Variants in ADPRHL1 observed in about 807,000 individuals in gnomAD.
ADPRHL1 encodes ADP-ribosylhydrolase like 1, also known as inactive ADP-ribosyltransferase ARH2.
A neutral mutation model predicts 44.1 loss-of-function variants in ADPRHL1; 43 were observed. The observed-to-expected ratio is 0.98, with a 90% CI of 0.76 to 1.26. The LOEUF (loss-of-function observed/expected upper bound fraction) is 1.26. Among genes scored for constraint, ADPRHL1 ranks in the 50% most tolerant of loss-of-function variants. The pLI, the probability that ADPRHL1 is intolerant of heterozygous loss-of-function variation, is 0.00. For synonymous variants in ADPRHL1, 878 were observed against 1,017.4 expected (o/e 0.86, Z 2.61); for missense variants, 2,022 against 2,496.9 (o/e 0.81, Z 4.05).
chr13:113,404,780 T>A lies in ADPRHL1; in HGVS notation c.4502A>T (p.Gln1501Leu). 7.9e-7 allele frequency: 1 copy of A among 1,262,650 alleles called. No individual in the cohort carries two copies. Among genetic ancestry groups the A allele is most frequent in the Non-Finnish European group, 9.9e-7 (1 of 1,007,858 alleles). 78.2% of individuals were successfully genotyped at this position (1,262,650 alleles called of 1,614,324 possible). A position where few individuals can be genotyped will look rare whatever the true frequency, so the allele number is the denominator to read the frequency against. Residue 1501 changes from glutamine to leucine, a missense_variant, in exon 8 of 8, where the codon CAG (glutamine) becomes CTG (leucine). By Grantham distance (113) the Gln-to-Leu change is moderately radical. Around this residue, in one of 8 missense-constraint regions of ADPRHL1, gnomAD observed 1,221 missense variants for 1,517.8 expected, o/e 0.80. Coordinates refer to ENST00000612156, the MANE Select transcript of ADPRHL1 (RefSeq NM_001394807.1). Reference sequence around the variant, plus strand: ...CTGGGCCTGTTCTTGAGCGTGTCCCTGAACCTGTCCCCGGTCCCATTCCTG... The same window carrying A: ...CTGGGCCTGTTCTTGAGCGTGTCCCAGAACCTGTCCCCGGTCCCATTCCTG... ...QVQEWDRGQVQGHAQEQAQWQ... is the reference protein window; with the variant it reads ...QVQEWDRGQVLGHAQEQAQWQ...
At chr13:113,432,743 C>A (rs2044015901) in intron 3 of ADPRHL1, among the ~76,000 whole-genome samples, 1 of 152,208 alleles carries the variant, frequency 6.6e-6, no homozygotes, top group South Asian at 2.1e-4. Flanking sequence ...GGGTGGGCAG[C>A]TCTGCCCTCC....
chr13:113,440,314 CTGA>C (rs1040780705), intron 2 of ADPRHL1, among the ~76,000 whole-genome samples: 2 of 152,216 alleles, frequency 1.3e-5, no homozygotes, highest in Non-Finnish European at 2.9e-5. Context: ...TTATGTCCCC[CTGA>C]TGAACTGATC....
At chr13:113,423,661 C>A (rs1486521812) in intron 6 of ADPRHL1, among the ~76,000 whole-genome samples, 1 of 152,262 alleles carries the variant, frequency 6.6e-6, no homozygotes, top group African/African-American at 2.4e-5. Flanking sequence ...GGAGCTGCCA[C>A]AGCCACTCTG....
rs953954393 is a variant in ADPRHL1 at position 113,407,732 on chromosome 13, G to T, written c.1550C>A (p.Ala517Glu). ...CTTCTCGCGTGCTTCTTTCTCCTTC[G>T]CCTCCTTCTCCTCGGCGGCCAAGAA... ...KIFLAAEEKE[A>E]KEKEAREKPP... Residue 517 changes from alanine (A) to glutamate (E), a missense_variant, in exon 8 of 8, where the codon GCG becomes GAG. Around this residue, in one of 8 missense-constraint regions of ADPRHL1, gnomAD observed 1,221 missense variants for 1,517.8 expected, o/e 0.80. Transcript: ENST00000612156. 4 of 1,232,114 alleles carry T rather than the reference G, an allele frequency of 3.2e-6. No individual in the cohort carries two copies. The African/African-American group carries it at 4.6e-5, about 14-fold the overall frequency. 76.3% of individuals were successfully genotyped at this position (1,232,114 alleles called of 1,614,324 possible).
At chr13:113,446,363 C>T (rs112172756) in intron 1 of ADPRHL1, among the ~76,000 whole-genome samples, 8 of 152,218 alleles carry the variant, frequency 5.3e-5, no homozygotes, top group African/African-American at 1.7e-4. Flanking sequence ...TGCAAACCCC[C>T]GGAGAAGTGC....
At chr13:113,425,848 T>G (rs1279721450) in intron 4 of ADPRHL1, among the ~76,000 whole-genome samples, 1 of 151,968 alleles carries the variant, frequency 6.6e-6, no homozygotes, top group Non-Finnish European at 1.5e-5. Flanking sequence ...GCCCGGCTAA[T>G]TTTTGTATTT....
At chr13:113,434,005 G>C in intron 2 of ADPRHL1, 138 bp from the exon 3 acceptor site, 1 of 1,298,174 alleles carries the variant, frequency 7.7e-7, no homozygotes, top group Non-Finnish European at 1.0e-6. Context: ...AAATGAGCGA[G>C]CCATGGGCAG....
At chr13:113,414,873 C>T (rs1263577594) in intron 7 of ADPRHL1, among the ~76,000 whole-genome samples, 1 of 151,974 alleles carries the variant, frequency 6.6e-6, no homozygotes, top group Non-Finnish European at 1.5e-5. Context: ...TGAGGTTTCA[C>T]CATGTTGGCT....
rs57907442 is a variant in ADPRHL1 at position 113,443,942 on chromosome 13, C to CAA, written c.379+481_379+482dup. On this transcript the variant is annotated intron_variant, in intron 2 of 7. Coordinates refer to ENST00000612156, the MANE Select transcript of ADPRHL1 (RefSeq NM_001394807.1). ...TAGATGGCAGAGCAAGACTCCATCT[C>CAA]AAAAAAAAAAAAAAATTTAAAGCGT... Among the ~76,000 whole-genome samples, 233 of 125,296 alleles carry CAA rather than the reference C, an allele frequency of 1.9e-3. 1 individual carries two copies. Among genetic ancestry groups the CAA allele is most frequent in the African/African-American group, 6.1e-3 (222 of 36,216 alleles). The allele number at this position is 125,296 out of a possible 152,430, so 82.2% of individuals were successfully genotyped here. A position where few individuals can be genotyped will look rare whatever the true frequency, so the allele number is the denominator to read the frequency against.
chr13:113,424,012 C>T (rs2043945054), intron 6 of ADPRHL1, among the ~76,000 whole-genome samples: 1 of 152,202 alleles, frequency 6.6e-6, no homozygotes, highest in Admixed American at 6.5e-5. Flanking sequence ...CCTGTAATGT[C>T]CTCACATGAG....
intron 7 of ADPRHL1, among the ~76,000 whole-genome samples, chr13:113,414,117 G>A (rs1282148216): frequency 1.3e-5 from 2 of 152,196 alleles, no homozygotes; most frequent in African/African-American, 2.4e-5. Context: ...ACCCTCAGCC[G>A]CAGTTTCCTC....
At chr13:113,433,894 A>C (rs1281636883) in intron 2 of ADPRHL1, 27 bp from the exon 3 acceptor site, 1 of 1,519,826 alleles carries the variant, frequency 6.6e-7, no homozygotes, top group African/African-American at 1.4e-5. Flanking sequence ...GAGCTAGTTT[A>C]GACTTCTGCT....
rs1233371384 is a variant in ADPRHL1, at chr13:113,444,609, C to T, written c.215-20G>A. 6.2e-7 allele frequency: 1 copy of T among 1,610,516 alleles called. No individual in the cohort carries two copies. The highest frequency in any genetic ancestry group is 1.1e-5 in the South Asian group (1 of 90,780). On this transcript the variant is annotated intron_variant, in intron 1 of 7. Transcript: ENST00000612156. ...AGTAGTCTGCGGAAGAAAGGGAGGG[C>T]AGACATCAGAGCCAGCTGTGGTGTG...
intron 1 of ADPRHL1, among the ~76,000 whole-genome samples, chr13:113,450,022 G>A (rs968536126): frequency 1.3e-5 from 2 of 152,216 alleles, no homozygotes; most frequent in Non-Finnish European, 2.9e-5. Context: ...CATGTGTGGA[G>A]GATAACATGC....
Position 113,440,292 on chromosome 13 carries a change from C to T in ADPRHL1, c.379+4133G>A, listed in dbSNP as rs183870287. 4.6e-5 allele frequency among the ~76,000 whole-genome samples: 7 copies of T among 152,318 alleles called. No homozygotes were observed. In the East Asian group the frequency reaches 1.3e-3, roughly 29 times the overall value. On this transcript the variant is annotated intron_variant, in intron 2 of 7. Coordinates refer to ENST00000612156, the MANE Select transcript of ADPRHL1 (RefSeq NM_001394807.1). ...GAAGATCTGTTATTAGGTACAGAGACATCTAGGTTTGTTATGTCCCCCTGA... is the reference window on the plus strand; with the variant it reads ...GAAGATCTGTTATTAGGTACAGAGATATCTAGGTTTGTTATGTCCCCCTGA...
In ADPRHL1 at chr13:113,399,618, A is replaced by T. The variant is rs1221148313; in HGVS notation, c.*3760T>A. The T allele has an allele frequency of 3.3e-5, 5 of 152,076 alleles. No homozygotes were observed. Among genetic ancestry groups the T allele is most frequent in the African/African-American group, 1.2e-4 (5 of 41,430 alleles). 9.4% of individuals were successfully genotyped at this position (152,076 alleles called of 1,614,324 possible). A position where few individuals can be genotyped will look rare whatever the true frequency, so the allele number is the denominator to read the frequency against. On this transcript the variant is annotated 3_prime_UTR_variant, in exon 8 of 8. Coordinates refer to ENST00000612156, the MANE Select transcript of ADPRHL1 (RefSeq NM_001394807.1). The stretch of plus-strand genomic sequence containing the variant: ...ATGCAAGGAAGAGATTTGTAATGGG[A>T]AAGGTATTTTATTTCTTTTTGAAAT...
At chr13:113,443,313 T>C (rs1422037984) in intron 2 of ADPRHL1, among the ~76,000 whole-genome samples, 1 of 152,168 alleles carries the variant, frequency 6.6e-6, no homozygotes, top group African/African-American at 2.4e-5. Flanking sequence ...GTTTTGCTTT[T>C]AGGATTTAAG....
At position 113,428,806 on chromosome 13, in the gene ADPRHL1, G is replaced by A. The variant is rs1341324754; in HGVS notation, c.646+146C>T. On this transcript the variant is annotated intron_variant, in intron 4 of 7. Transcript: ENST00000612156. ...GAGCAGCATGGGGCCTGCCTTGCGA[G>A]GCCAGCTCTGCTCACATGGCCCGGA... 4 of 1,300,578 alleles carry A rather than the reference G, an allele frequency of 3.1e-6. No homozygotes were observed. The African/African-American group carries it at 4.4e-5, about 14-fold the overall frequency. 80.6% of individuals were successfully genotyped at this position (1,300,578 alleles called of 1,614,324 possible). A position where few individuals can be genotyped will look rare whatever the true frequency, so the allele number is the denominator to read the frequency against.
Position 113,405,847 on chromosome 13 carries a change from C to T in ADPRHL1, c.3435G>A (p.Glu1145=). ...CTCTGCTTCCCCACTGGCCCAGCGT[C>T]TCTGGCTCTCCCGCTGTGCGGTCTC... ...SPGDRTAGEP[E]TLGQWGSRAL... The change falls in exon 8 of 8, where the codon GAG becomes GAA. Residue 1145 remains glutamate (E), a synonymous_variant. Coordinates refer to ENST00000612156, the MANE Select transcript of ADPRHL1 (RefSeq NM_001394807.1). 8.1e-7 allele frequency: 1 copy of T among 1,231,950 alleles called. No individual in the cohort carries two copies. Among genetic ancestry groups the T allele is most frequent in the Non-Finnish European group, 1.0e-6 (1 of 988,056 alleles). The allele number at this position is 1,231,950 out of a possible 1,614,324, so 76.3% of individuals were successfully genotyped here.
Sources: gnomAD v4.1 joint callset for allele counts (sites outside exome capture counted in the v4.1 genomes callset) on GRCh38, gnomAD v4.1.1 for gene constraint, gnomAD v4.1.1 regional missense constraint, MANE v1.5 for transcripts, NCBI Gene and HGNC (gene_info 2026-07-23, HGNC 2026-07-21) for gene names.